Variants in COL24A1 observed in about 807,000 individuals in gnomAD.
The protein encoded by COL24A1 is collagen type XXIV alpha 1 chain, also known as collagen alpha-1(XXIV) chain.
COL24A1 carries 224 observed loss-of-function variants against 253.9 expected under a neutral mutation model. The ratio of observed to expected loss-of-function variants is 0.88; its 90% CI spans 0.79 to 0.99. COL24A1 has a LOEUF of 0.99. Ranked by LOEUF, COL24A1 falls within the 50% of genes least tolerant of loss-of-function variation. The pLI, the probability that COL24A1 is intolerant of heterozygous loss-of-function variation, is 0.00. For missense variants in COL24A1, 2,131 were observed against 2,068.5 expected, an observed-to-expected ratio of 1.03 and a Z score of -0.59; for synonymous variants, 685 against 673.7, an observed-to-expected ratio of 1.02 and a Z score of -0.26.
chr1:85,886,101 C>T (rs889066473), intron 32 of COL24A1, among the ~76,000 whole-genome samples: 1 of 151,534 alleles, frequency 6.6e-6, no homozygotes, highest in Admixed American at 6.6e-5. Flanking sequence ...CTCACTCTAT[C>T]ACCCAGGTTG....
intron 47 of COL24A1, among the ~76,000 whole-genome samples, chr1:85,813,670 C>A (rs1216215955): frequency 6.7e-6 from 1 of 148,560 alleles, no homozygotes; most frequent in East Asian, 2.0e-4. Context: ...CCTGCCTCAG[C>A]CTCCCAAGTA....
At chr1:85,903,438 CA>C (rs1571155810) in intron 28 of COL24A1, among the ~76,000 whole-genome samples, 2 of 152,146 alleles carry the variant, frequency 1.3e-5, no homozygotes, top group East Asian at 3.9e-4. Context: ...ACTTCTAAGA[CA>C]AAATAAGCTT....
At chr1:86,102,062 T>C (rs192743573) in intron 5 of COL24A1, among the ~76,000 whole-genome samples, 1 of 144,274 alleles carries the variant, frequency 6.9e-6, no homozygotes, top group Non-Finnish European at 1.5e-5. Context: ...GATTCCATTT[T>C]GGTGCTCATT....
chr1:85,797,584 A>G (rs1334954560), intron 47 of COL24A1, among the ~76,000 whole-genome samples: 2 of 152,198 alleles, frequency 1.3e-5, no homozygotes, highest in Non-Finnish European at 2.9e-5. Flanking sequence ...CTCTGAAACT[A>G]AGATGCCTGG....
chr1:86,032,685 G>T (rs913165895), intron 13 of COL24A1, among the ~76,000 whole-genome samples: 1 of 151,994 alleles, frequency 6.6e-6, no homozygotes, highest in South Asian at 2.1e-4. Context: ...GGAAACAAAG[G>T]CAGAGAATAT....
intron 51 of COL24A1, among the ~76,000 whole-genome samples, chr1:85,782,880 A>G (rs1210990168): frequency 6.6e-6 from 1 of 152,090 alleles, no homozygotes; most frequent in Non-Finnish European, 1.5e-5. Context: ...GAAAGCTTTG[A>G]TTAATAAAAA....
intron 43 of COL24A1, among the ~76,000 whole-genome samples, chr1:85,824,848 C>T (rs1489464644): frequency 1.3e-5 from 2 of 151,844 alleles, no homozygotes; most frequent in Non-Finnish European, 2.9e-5. Context: ...GTTATCAGTC[C>T]CATCTCCTGG....
In COL24A1 at chr1:85,832,327, T is replaced by C. The variant is rs1675390981; in HGVS notation, c.3681+6258A>G. ...CAGTACCATGCTGTTTTGGTTACTG[T>C]AGCCTTGTAGTATAGTTTGAAGTCA... On this transcript the variant is annotated intron_variant, in intron 43 of 59. Coordinates refer to ENST00000370571, the MANE Select transcript of COL24A1 (RefSeq NM_152890.7). Among the ~76,000 whole-genome samples the C allele has an allele frequency of 1.3e-5, 2 of 152,244 alleles. 1 individual carries two copies. The highest frequency in any genetic ancestry group is 4.1e-4 in the South Asian group (2 of 4,824).
chr1:86,110,894 G>C (rs1463294612), intron 5 of COL24A1, among the ~76,000 whole-genome samples: 1 of 151,974 alleles, frequency 6.6e-6, no homozygotes, highest in Non-Finnish European at 1.5e-5. Context: ...TCTCCGTGGT[G>C]CCTGGTCCCA....
intron 19 of COL24A1, among the ~76,000 whole-genome samples, chr1:85,990,912 G>A (rs1178789318): frequency 6.6e-6 from 1 of 152,158 alleles, no homozygotes; most frequent in African/African-American, 2.4e-5. Context: ...CTGCCTTAGT[G>A]TACCACTAGT....
intron 37 of COL24A1, among the ~76,000 whole-genome samples, chr1:85,868,249 T>C (rs1428214517): frequency 6.6e-6 from 1 of 152,150 alleles, no homozygotes; most frequent in African/African-American, 2.4e-5. Flanking sequence ...AAATATTTAA[T>C]CAAACTCAGT....
At chr1:85,933,087 T>TAAAA (rs747954578) in intron 24 of COL24A1, among the ~76,000 whole-genome samples, 4 of 123,580 alleles carry the variant, frequency 3.2e-5, no homozygotes, top group African/African-American at 1.3e-4. Context: ...TAGAGTATAA[T>TAAAA]AAAAAAAAAA....
chr1:85,874,433 A>G (rs1455971904), intron 35 of COL24A1, among the ~76,000 whole-genome samples: 1 of 152,220 alleles, frequency 6.6e-6, no homozygotes, highest in Non-Finnish European at 1.5e-5. Flanking sequence ...TGATTTTGAG[A>G]AAAGGACATA....
chr1:85,766,843 C>T (rs958100487), intron 53 of COL24A1, among the ~76,000 whole-genome samples: 6 of 152,006 alleles, frequency 3.9e-5, no homozygotes, highest in Non-Finnish European at 5.9e-5. Context: ...TGATGGCTCA[C>T]GCCTGTAATC....
chr1:85,842,286 T>C lies in COL24A1; in HGVS notation c.3516+54A>G, dbSNP rs539612851. The C allele has an allele frequency of 1.6e-3, 2,180 of 1,402,918 alleles. 4 individuals are homozygous for C. The highest frequency in any genetic ancestry group is 1.9e-3 in the Non-Finnish European group (1,876 of 1,009,224). 86.9% of individuals were successfully genotyped at this position (1,402,918 alleles called of 1,614,324 possible). On this transcript the variant is annotated intron_variant, in intron 40 of 59. Coordinates refer to ENST00000370571, the MANE Select transcript of COL24A1 (RefSeq NM_152890.7). ...CTTAATTTGAATATTTGGGATATCA[T>C]CTTTAATAAAAATGTTTTCATGTGA...
At chr1:86,051,261 A>C (rs1700277465) in intron 10 of COL24A1, among the ~76,000 whole-genome samples, 1 of 152,158 alleles carries the variant, frequency 6.6e-6, no homozygotes, top group Non-Finnish European at 1.5e-5. Context: ...GCCCTCAAAA[A>C]GTACATAGTT....
At chr1:85,777,647 T>C (rs1004937840) in intron 52 of COL24A1, among the ~76,000 whole-genome samples, 2 of 152,176 alleles carry the variant, frequency 1.3e-5, no homozygotes, top group Non-Finnish European at 2.9e-5. Flanking sequence ...ATTTCATTAG[T>C]GTATTGGGTG....
rs530059806 is a variant in COL24A1, at chr1:86,132,896, T to G, written c.122-6682A>C. ...ACTTTAAAGTAGTTTTTTCCAGTTC[T>G]GTGAAGAAAGTCATTGGTAGCTTGA... On this transcript the variant is annotated intron_variant, in intron 2 of 59. Coordinates refer to ENST00000370571, the MANE Select transcript of COL24A1 (RefSeq NM_152890.7). Among the ~76,000 whole-genome samples the G allele has an allele frequency of 1.4e-4, 21 of 152,092 alleles. No homozygotes were observed. In the East Asian group the frequency reaches 3.5e-3, roughly 25 times the overall value.
chr1:85,970,743 G>A (rs769040369), intron 21 of COL24A1, among the ~76,000 whole-genome samples: 3 of 151,866 alleles, frequency 2.0e-5, no homozygotes, highest in Admixed American at 2.0e-4. Flanking sequence ...ATAATTTATT[G>A]GTTCAAAAAT....
Sources: allele counts gnomAD v4.1 joint callset (sites outside exome capture counted in the v4.1 genomes callset), GRCh38; gene constraint gnomAD v4.1.1; transcripts MANE v1.5; gene names NCBI Gene and HGNC (gene_info 2026-07-23, HGNC 2026-07-21).